The following CNTNAP3 variants were observed in gnomAD, a reference collection of about 807,000 sequenced individuals.
CNTNAP3 encodes contactin associated protein family member 3, also known as contactin-associated protein-like 3.
In CNTNAP3, 36 loss-of-function variants were observed where a neutral mutation model predicts 92.1. That is an observed-to-expected ratio of 0.39 (90% confidence interval 0.30 to 0.52). The LOEUF is 0.52. Among genes scored for constraint, CNTNAP3 ranks in the 20% least tolerant of loss-of-function variants. The pLI, the probability that CNTNAP3 is intolerant of heterozygous loss-of-function variation, is 0.76. For synonymous variants in CNTNAP3, 232 were observed against 422.3 expected, an observed-to-expected ratio of 0.55 and a Z score of 5.53; for missense variants, 534 against 1,069.6, an observed-to-expected ratio of 0.50 and a Z score of 6.98.
chr9:39,137,613 T>C (rs1191065121), intron 12 of CNTNAP3, among the ~76,000 whole-genome samples: 2 of 151,906 alleles, frequency 1.3e-5, no homozygotes, highest in Admixed American at 1.3e-4. Context: ...CCCGGATTCA[T>C]GCCATTCTTC....
At chr9:39,202,279 G>A (rs1822543640) in intron 3 of CNTNAP3, among the ~76,000 whole-genome samples, 1 of 47,232 alleles carries the variant, frequency 2.1e-5, no homozygotes, top group African/African-American at 3.6e-5. Context: ...GTTTTGTTTT[G>A]TTTTGTTTGC....
chr9:39,104,441 A>G (rs1826545870), intron 15 of CNTNAP3, among the ~76,000 whole-genome samples: 1 of 149,974 alleles, frequency 6.7e-6, no homozygotes, highest in South Asian at 2.1e-4. Context: ...CAGAAGCCAG[A>G]ACACAGACTC....
chr9:39,147,694 A>G (rs1302608759), intron 10 of CNTNAP3, among the ~76,000 whole-genome samples: 1 of 152,208 alleles, frequency 6.6e-6, no homozygotes, highest in Non-Finnish European at 1.5e-5. Context: ...TACAATTTGG[A>G]GGCCTTTTTA....
At chr9:39,091,402 C>T (rs1473012925) in intron 18 of CNTNAP3, among the ~76,000 whole-genome samples, 4 of 152,040 alleles carry the variant, frequency 2.6e-5, no homozygotes, top group Non-Finnish European at 4.4e-5. Flanking sequence ...AACAAAAATA[C>T]ATGAAAGGAT....
chr9:39,111,792 G>A (rs1826753824), intron 14 of CNTNAP3, among the ~76,000 whole-genome samples: 1 of 152,004 alleles, frequency 6.6e-6, no homozygotes, highest in African/African-American at 2.4e-5. Flanking sequence ...GCAAAATATT[G>A]AGAATGTGTA....
chr9:39,098,674 T>C (rs1826380744), intron 18 of CNTNAP3, among the ~76,000 whole-genome samples: 1 of 152,246 alleles, frequency 6.6e-6, no homozygotes, highest in Admixed American at 6.5e-5. Context: ...AGCTATGAGA[T>C]TTGTTAGCAC....
intron 13 of CNTNAP3, among the ~76,000 whole-genome samples, chr9:39,119,623 T>C (rs1394111857): frequency 4.0e-5 from 6 of 151,828 alleles, no homozygotes; most frequent in Non-Finnish European, 7.4e-5. Flanking sequence ...TAAAAATGTA[T>C]TTTTTTTAGA....
At chr9:39,127,224 A>C (rs547718785) in intron 13 of CNTNAP3, among the ~76,000 whole-genome samples, 1 of 152,152 alleles carries the variant, frequency 6.6e-6, no homozygotes, top group Admixed American at 6.6e-5. Flanking sequence ...ATGAAACTAC[A>C]TGAAAAACTA....
intron 13 of CNTNAP3, among the ~76,000 whole-genome samples, chr9:39,131,751 G>C (rs1011376600): frequency 2.2e-4 from 34 of 152,028 alleles, no homozygotes; most frequent in Admixed American, 6.6e-5. Flanking sequence ...GCTTGAATCC[G>C]GGAGGGGAGG....
At chr9:39,079,658 A>G (rs568127276) in intron 21 of CNTNAP3, among the ~76,000 whole-genome samples, 16 of 132,204 alleles carry the variant, frequency 1.2e-4, no homozygotes, top group African/African-American at 4.7e-4. Context: ...ATCTTACACT[A>G]TTTATTTCAC....
At chr9:39,137,068 T>C (rs956006990) in intron 12 of CNTNAP3, among the ~76,000 whole-genome samples, 17 of 151,794 alleles carry the variant, frequency 1.1e-4, no homozygotes, top group African/African-American at 4.1e-4. Flanking sequence ...TCTTCAAATA[T>C]GCTTCTGTTC....
intron 10 of CNTNAP3, among the ~76,000 whole-genome samples, chr9:39,149,336 G>T (rs1436886231): frequency 6.6e-6 from 1 of 151,634 alleles, no homozygotes; most frequent in East Asian, 1.9e-4. Flanking sequence ...TATTCCATTA[G>T]AGATGCAGTT....
At chr9:39,074,388 G>T (rs891707748) in intron 23 of CNTNAP3, among the ~76,000 whole-genome samples, 6 of 145,660 alleles carry the variant, frequency 4.1e-5, no homozygotes, top group African/African-American at 1.6e-4. Flanking sequence ...AGACATCATT[G>T]CTTTTTAAGT....
chr9:39,137,599 G>A (rs1255631558), intron 12 of CNTNAP3, among the ~76,000 whole-genome samples: 2 of 151,858 alleles, frequency 1.3e-5, no homozygotes, highest in Admixed American at 6.6e-5. Flanking sequence ...TGCATGCTCC[G>A]CCTCCCGGAT....
intron 13 of CNTNAP3, among the ~76,000 whole-genome samples, chr9:39,131,758 G>C (rs1204702166): frequency 6.6e-6 from 1 of 152,052 alleles, no homozygotes; most frequent in Non-Finnish European, 1.5e-5. Context: ...TCCGGGAGGG[G>C]AGGGGGTTGC....
intron 9 of CNTNAP3, among the ~76,000 whole-genome samples, chr9:39,161,695 T>TAATAATAATAAAAAA (rs35637989): frequency 7.8e-6 from 1 of 127,674 alleles, no homozygotes; most frequent in African/African-American, 3.0e-5. Context: ...ATAATAATAA[T>TAATAATAATAAAAAA]AAATTAGCTG....
intron 14 of CNTNAP3, among the ~76,000 whole-genome samples, chr9:39,110,025 A>G (rs1486786125): frequency 6.6e-6 from 1 of 152,184 alleles, no homozygotes; most frequent in East Asian, 1.9e-4. Context: ...AACCAAATAC[A>G]TACTACACCC....
At chr9:39,098,467 C>T (rs1288926222) in intron 18 of CNTNAP3, among the ~76,000 whole-genome samples, 1 of 152,000 alleles carries the variant, frequency 6.6e-6, no homozygotes, top group Non-Finnish European at 1.5e-5. Context: ...TATGCCCCAG[C>T]CACTGGAGGA....
chr9:39,178,914 CAT>C (rs1201276406), intron 4 of CNTNAP3, among the ~76,000 whole-genome samples: 1 of 149,780 alleles, frequency 6.7e-6, no homozygotes, highest in Non-Finnish European at 1.5e-5. Context: ...AATGAGCTGA[CAT>C]GTAATATTTT....
Sources: allele counts gnomAD v4.1 joint callset (sites outside exome capture counted in the v4.1 genomes callset), GRCh38; gene constraint gnomAD v4.1.1; transcripts MANE v1.5; gene names NCBI Gene and HGNC (gene_info 2026-07-23, HGNC 2026-07-21).